Variants in TIMM23 observed in about 807,000 individuals in gnomAD.
The protein encoded by TIMM23 is mitochondrial import inner membrane translocase subunit Tim23.
TIMM23 carries 19 observed loss-of-function variants against 30.7 expected under a neutral mutation model. The ratio of observed to expected loss-of-function variants is 0.62; its 90% CI spans 0.43 to 0.91. The LOEUF is 0.91. Ranked by LOEUF, TIMM23 falls within the 40% of genes least tolerant of loss-of-function variation. The pLI, the probability that TIMM23 is intolerant of heterozygous loss-of-function variation, is 0.00. For synonymous variants in TIMM23, 78 were observed against 98.5 expected (o/e 0.79, Z 1.23); for missense variants, 202 against 269.2 (o/e 0.75, Z 1.75).
intron 6 of TIMM23, among the ~76,000 whole-genome samples, chr10:45,993,216 C>T (rs1838219550): frequency 1.5e-5 from 2 of 133,074 alleles, no homozygotes; most frequent in Admixed American, 8.6e-5. Context: ...TACTTGCTAA[C>T]GTTTGCCAGT....
intron 2 of TIMM23, among the ~76,000 whole-genome samples, chr10:45,979,606 CTTTTTTTT>C (rs1171770886): frequency 3.7e-5 from 2 of 54,378 alleles, no homozygotes; most frequent in African/African-American, 1.4e-4. Flanking sequence ...CATGCCTGGC[CTTTTTTTT>C]TTTTTTTTTT....
chr10:45,984,495 T>C (rs1182685315), intron 4 of TIMM23: 1 of 152,406 alleles, frequency 6.6e-6, no homozygotes, highest in Non-Finnish European at 1.5e-5. Flanking sequence ...TTACTGATTT[T>C]TTAAAACAAT....
chr10:45,980,419 T>C (rs1313746446), intron 2 of TIMM23, among the ~76,000 whole-genome samples: 1 of 152,220 alleles, frequency 6.6e-6, no homozygotes, highest in Non-Finnish European at 1.5e-5. Flanking sequence ...TGATACAGTA[T>C]TGTAGTTTCT....
chr10:45,996,887 C>T (rs2132279939), intron 6 of TIMM23, among the ~76,000 whole-genome samples: 1 of 151,164 alleles, frequency 6.6e-6, no homozygotes, highest in African/African-American at 2.4e-5. Flanking sequence ...ATCACCTGAG[C>T]CCAGGAGGTC....
chr10:45,988,823 A>G lies in TIMM23; in HGVS notation c.490A>G (p.Thr164Ala). Residue 164 changes from threonine (T) to alanine (A), a missense_variant, in exon 6 of 7, where the codon ACA (threonine) becomes GCA (alanine). By Grantham distance (58) the Thr-to-Ala change is moderately conservative. Coordinates refer to ENST00000580018, the MANE Select transcript of TIMM23 (RefSeq NM_006327.4). ...TAACACAGTAGCAGCTGGAACCATGACAGGCATGTTGTATAAATGTACAGG... is the reference window on the plus strand; with the variant it reads ...TAACACAGTAGCAGCTGGAACCATGGCAGGCATGTTGTATAAATGTACAGG... Reference protein sequence around the residue: ...DLNTVAAGTMTGMLYKCTGGL... With the variant: ...DLNTVAAGTMAGMLYKCTGGL... 1 of 1,613,586 alleles carries G rather than the reference A, an allele frequency of 6.2e-7. No homozygotes were observed. Among genetic ancestry groups the G allele is most frequent in the Non-Finnish European group, 8.5e-7 (1 of 1,179,518 alleles).
rs782747291 is a variant in TIMM23, at chr10:45,972,710, C to A, written c.86C>A (p.Ala29Glu). 4.8e-5 allele frequency: 78 copies of A among 1,613,768 alleles called. No individual in the cohort carries two copies. The highest frequency in any genetic ancestry group is 3.3e-5 in the Admixed American group (2 of 59,998). ...GCCGGCGGAGCAGGTTACTCGCACG[C>A]GGATTTGGCTGGCGTCCCGCGTAAG... ...FGAGGAGYSH[A>E]DLAGVPLTGM... The change falls in exon 1 of 7, where the codon GCG (alanine) becomes GAG (glutamate). Residue 29 changes from alanine (A) to glutamate (E), a missense_variant. Ala to Glu is a moderately radical substitution (Grantham distance 107). Transcript: ENST00000580018.
At chr10:45,979,944 A>G (rs1174158112) in intron 2 of TIMM23, among the ~76,000 whole-genome samples, 83 of 152,256 alleles carry the variant, frequency 5.5e-4, no homozygotes, top group African/African-American at 1.7e-3. Context: ...TTAAAATTCA[A>G]TATCATTGTG....
chr10:46,003,297 C>T lies in TIMM23; in HGVS notation c.609C>T (p.Ser203=). 6.2e-7 allele frequency: 1 copy of T among 1,613,994 alleles called. No homozygotes were observed. Among genetic ancestry groups the T allele is most frequent in the Non-Finnish European group, 8.5e-7 (1 of 1,179,874 alleles). Residue 203 remains serine (S), a synonymous_variant, in exon 7 of 7, where the codon TCC becomes TCT. Coordinates refer to ENST00000580018, the MANE Select transcript of TIMM23 (RefSeq NM_006327.4). ...ATAACTGGGAGCACATGAAAGGCTC[C>T]TTGCTCCAACAGTCACTCTGAAGAT... ...LYNNWEHMKG[S]LLQQSL
intron 6 of TIMM23, 76 bp from the exon 7 acceptor site, chr10:46,003,125 CTT>C: frequency 8.2e-7 from 1 of 1,212,254 alleles, no homozygotes; most frequent in African/African-American, 1.5e-5. Context: ...TTTCACAGTA[CTT>C]TTTATTTAAC....
At chr10:46,003,133 T>G in intron 6 of TIMM23, 70 bp from the exon 7 acceptor site, 1 of 1,272,302 alleles carries the variant, frequency 7.9e-7, no homozygotes, top group Admixed American at 1.8e-5. Flanking sequence ...TACTTTTTAT[T>G]TAACCCTATC....
At position 46,003,339 on chromosome 10, in the gene TIMM23, T is replaced by A; in HGVS notation, c.*21T>A. On this transcript the variant is annotated 3_prime_UTR_variant, in exon 7 of 7. Coordinates refer to ENST00000580018, the MANE Select transcript of TIMM23 (RefSeq NM_006327.4). ...TCTGAAGATTTTGCCAACTCATGAATGGAGGACACTTCAGTAGTCATCTAG... is the reference window on the plus strand; with the variant it reads ...TCTGAAGATTTTGCCAACTCATGAAAGGAGGACACTTCAGTAGTCATCTAG... 3.9e-6 allele frequency: 6 copies of A among 1,525,436 alleles called. No individual in the cohort carries two copies. Among genetic ancestry groups the A allele is most frequent in the Non-Finnish European group, 5.5e-6 (6 of 1,099,376 alleles). 94.5% of individuals were successfully genotyped at this position (1,525,436 alleles called of 1,614,324 possible). A position where few individuals can be genotyped will look rare whatever the true frequency, so the allele number is the denominator to read the frequency against.
chr10:45,997,333 TAA>T (rs1222335755), intron 6 of TIMM23, among the ~76,000 whole-genome samples: 1 of 152,098 alleles, frequency 6.6e-6, no homozygotes, highest in African/African-American at 2.4e-5. Context: ...AGGCCATCTA[TAA>T]AAAAAAATGG....
intron 2 of TIMM23, among the ~76,000 whole-genome samples, chr10:45,982,223 C>T (rs1837872007): frequency 5.3e-5 from 8 of 152,206 alleles, no homozygotes; most frequent in Non-Finnish European, 1.2e-4. Flanking sequence ...TCATAGCTTT[C>T]AGTGTTCCTT....
intron 5 of TIMM23, among the ~76,000 whole-genome samples, chr10:45,986,979 G>C (rs1322790007): frequency 2.0e-4 from 30 of 152,188 alleles, no homozygotes; most frequent in Non-Finnish European, 3.7e-4. Context: ...TGCATAGCCA[G>C]TCAGTCGTGT....
At chr10:46,001,613 C>T (rs1590134846) in intron 6 of TIMM23, among the ~76,000 whole-genome samples, 1 of 152,026 alleles carries the variant, frequency 6.6e-6, no homozygotes. Context: ...TTGACAGGCA[C>T]GGAGCTAAAA....
chr10:45,973,587 T>A (rs1429621086), intron 1 of TIMM23, among the ~76,000 whole-genome samples: 1 of 152,242 alleles, frequency 6.6e-6, no homozygotes, highest in African/African-American at 2.4e-5. Context: ...TTCATTTCCC[T>A]GGTGTCACCT....
chr10:45,984,308 C>T (rs1277075429), intron 4 of TIMM23, among the ~76,000 whole-genome samples: 4 of 151,970 alleles, frequency 2.6e-5, no homozygotes, highest in African/African-American at 9.7e-5. Context: ...AGACAAAAAC[C>T]CCAATATCAT....
chr10:45,998,973 C>T (rs1356778375), intron 6 of TIMM23, among the ~76,000 whole-genome samples: 2 of 151,656 alleles, frequency 1.3e-5, no homozygotes, highest in African/African-American at 4.8e-5. Context: ...GCTGGGATTA[C>T]AGGTGCCTGC....
chr10:46,002,568 CTT>C, intron 6 of TIMM23: 1 of 885,868 alleles, frequency 1.1e-6, no homozygotes, highest in Non-Finnish European at 1.4e-6. Flanking sequence ...ACATTACAGA[CTT>C]AAATCCATTG....
Sources: allele counts gnomAD v4.1 joint callset (sites outside exome capture counted in the v4.1 genomes callset), GRCh38; gene constraint gnomAD v4.1.1; transcripts MANE v1.5; gene names NCBI Gene and HGNC (gene_info 2026-07-23, HGNC 2026-07-21).